Variants in EBPL observed in about 807,000 individuals in gnomAD.
EBPL encodes the protein EBP like, also known as emopamil-binding protein-like.
EBPL carries 20 observed loss-of-function variants against 19.0 expected under a neutral mutation model. The observed-to-expected ratio is 1.05, with a 90% CI of 0.74 to 1.53. The LOEUF (loss-of-function observed/expected upper bound fraction) is 1.53, where lower values mean the gene tolerates loss of function less well. Among genes scored for constraint, EBPL ranks in the 40% most tolerant of loss-of-function variants. The probability of loss-of-function intolerance (pLI) is 0.00; values close to 1 mark genes in which losing one functional copy is unlikely to be tolerated. For synonymous variants in EBPL, 107 were observed against 117.0 expected (o/e 0.91, Z 0.55); for missense variants, 219 against 261.1 (o/e 0.84, Z 1.11).
chr13:49,673,962 T>TACACACACACAC (rs56323070), intron 1 of EBPL, among the ~76,000 whole-genome samples: 4,810 of 143,284 alleles, frequency 0.034, 97 homozygotes, highest in African/African-American at 0.04. Context: ...TGGAACTTAA[T>TACACACACACAC]ACACACACAC....
intron 2 of EBPL, among the ~76,000 whole-genome samples, chr13:49,669,094 T>C (rs1953782185): frequency 6.6e-6 from 1 of 152,066 alleles, no homozygotes; most frequent in African/African-American, 2.4e-5. Flanking sequence ...TTAGCCAGGA[T>C]AGTCTCCATC....
rs905153562 is a variant in EBPL at position 49,663,212 on chromosome 13, T to C, written c.242-17A>G. 2 of 1,611,610 alleles carry C rather than the reference T, an allele frequency of 1.2e-6. No individual in the cohort carries two copies. Among genetic ancestry groups the C allele is most frequent in the Non-Finnish European group, 1.7e-6 (2 of 1,177,912 alleles). ...ATTCTTTCCCTAAAGACAAAATCCA[T>C]GTTGTTACTCAAATGGCAACAATTT... On this transcript the variant is annotated splice_polypyrimidine_tract_variant and intron_variant, in intron 2 of 3. Coordinates refer to ENST00000242827, the MANE Select transcript of EBPL (RefSeq NM_032565.5).
At chr13:49,682,264 T>G (rs1350407213) in intron 1 of EBPL, among the ~76,000 whole-genome samples, 1 of 152,216 alleles carries the variant, frequency 6.6e-6, no homozygotes. Flanking sequence ...CATGGCAGTA[T>G]ACTGTTTGAT....
In EBPL at chr13:49,662,083, TC is replaced by T. The variant is rs1423813146; in HGVS notation, c.381-876del. Among the ~76,000 whole-genome samples, 6 of 152,288 alleles carry T rather than the reference TC, an allele frequency of 3.9e-5. No homozygotes were observed. In the South Asian group the frequency reaches 1.2e-3, roughly 32 times the overall value. The stretch of plus-strand genomic sequence containing the variant: ...AACGTGGCTCACTGCAACCTCCACT[TC>T]CCAGGTTCAAGCAATTCTCCTGCCT... On this transcript the variant is annotated intron_variant, in intron 3 of 3. Coordinates refer to ENST00000242827, the MANE Select transcript of EBPL (RefSeq NM_032565.5).
Position 49,691,303 on chromosome 13 carries a change from C to A in EBPL, c.122G>T (p.Arg41Leu). 7.3e-7 allele frequency: 1 copy of A among 1,371,676 alleles called. No homozygotes were observed. The highest frequency in any genetic ancestry group is 9.5e-7 in the Non-Finnish European group (1 of 1,057,194). 85.0% of individuals were successfully genotyped at this position (1,371,676 alleles called of 1,614,324 possible). A position where few individuals can be genotyped will look rare whatever the true frequency, so the allele number is the denominator to read the frequency against. The change falls in exon 1 of 4, where the codon CGC becomes CTC. Residue 41 changes from arginine (R) to leucine (L), a missense_variant. Arg to Leu is a moderately radical substitution (Grantham distance 102, BLOSUM62 -2). Around this residue, in one of 2 missense-constraint regions of EBPL, gnomAD observed 170 missense variants for 167.0 expected, o/e 1.02. Coordinates refer to ENST00000242827, the MANE Select transcript of EBPL (RefSeq NM_032565.5). Reference sequence around the variant, plus strand: ...GTAGCAGAGCCAGATGAGCGCCCCGCGGTCCGCCGCCCCCTGCCCGCGGCC... The same window carrying A: ...GTAGCAGAGCCAGATGAGCGCCCCGAGGTCCGCCGCCCCCTGCCCGCGGCC... ...RLGRGQGAAD[R>L]GALIWLCYDA...
chr13:49,684,164 A>C (rs1953972579), intron 1 of EBPL, among the ~76,000 whole-genome samples: 1 of 152,194 alleles, frequency 6.6e-6, no homozygotes, highest in Admixed American at 6.5e-5. Flanking sequence ...AGCGTGATGG[A>C]AACGTTCTAT....
At chr13:49,666,335 G>A (rs1190196015) in intron 2 of EBPL, among the ~76,000 whole-genome samples, 2 of 152,186 alleles carry the variant, frequency 1.3e-5, no homozygotes, top group Non-Finnish European at 2.9e-5. Flanking sequence ...AACCTTATAT[G>A]TGGAAGCAGA....
intron 2 of EBPL, among the ~76,000 whole-genome samples, chr13:49,669,497 T>C (rs1010434987): frequency 6.6e-6 from 1 of 152,212 alleles, no homozygotes. Flanking sequence ...TTGGTTTTAG[T>C]AGAATCACAG....
chr13:49,679,544 G>C (rs1412158152), intron 1 of EBPL, among the ~76,000 whole-genome samples: 1 of 152,166 alleles, frequency 6.6e-6, no homozygotes, highest in Non-Finnish European at 1.5e-5. Context: ...CTGTCACCCA[G>C]GCTGGAATCC....
intron 1 of EBPL, chr13:49,686,437 ACT>A: frequency 1.6e-6 from 2 of 1,271,418 alleles, no homozygotes; most frequent in South Asian, 2.6e-5. Context: ...CATCAATCCC[ACT>A]CTCACCATTG....
intron 1 of EBPL, among the ~76,000 whole-genome samples, chr13:49,681,435 C>T (rs1953942073): frequency 6.6e-6 from 1 of 152,108 alleles, no homozygotes; most frequent in Non-Finnish European, 1.5e-5. Context: ...AGATTACAGG[C>T]ACACGCCACC....
At chr13:49,669,938 C>T in intron 1 of EBPL, 92 bp from the exon 2 acceptor site, 2 of 948,552 alleles carry the variant, frequency 2.1e-6, no homozygotes, top group Non-Finnish European at 1.7e-6. Flanking sequence ...CTCCATCCCC[C>T]ACCCTTCTCC....
intron 1 of EBPL, among the ~76,000 whole-genome samples, chr13:49,680,855 A>T (rs1321541278): frequency 6.6e-6 from 1 of 152,046 alleles, no homozygotes; most frequent in African/African-American, 2.4e-5. Flanking sequence ...AAACAAAAAA[A>T]ATATATGTGA....
At chr13:49,679,002 C>A (rs1447387076) in intron 1 of EBPL, among the ~76,000 whole-genome samples, 1 of 3,576 alleles carries the variant, frequency 2.8e-4, no homozygotes. Flanking sequence ...AGTGAGACTC[C>A]GTCTAAAAAA....
chr13:49,661,442 TTAAG>T (rs1475144173), intron 3 of EBPL, among the ~76,000 whole-genome samples: 2 of 152,126 alleles, frequency 1.3e-5, no homozygotes, highest in Non-Finnish European at 2.9e-5. Flanking sequence ...ATTCTCAGAG[TTAAG>T]TAAGGACCCT....
chr13:49,667,803 G>T (rs936444443), intron 2 of EBPL, among the ~76,000 whole-genome samples: 1 of 152,168 alleles, frequency 6.6e-6, no homozygotes, highest in Non-Finnish European at 1.5e-5. Context: ...CTTCTTTAAG[G>T]TGCATAATGT....
intron 1 of EBPL, among the ~76,000 whole-genome samples, chr13:49,678,011 C>T (rs1377709450): frequency 2.7e-5 from 3 of 109,898 alleles, no homozygotes; most frequent in Admixed American, 2.0e-4. Context: ...ACAAAGACTC[C>T]ACAGCGTGGA....
At chr13:49,682,401 A>G (rs1377061450) in intron 1 of EBPL, among the ~76,000 whole-genome samples, 1 of 152,260 alleles carries the variant, frequency 6.6e-6, no homozygotes, top group Non-Finnish European at 1.5e-5. Context: ...CATATACATC[A>G]TCACTTTAGT....
chr13:49,674,941 T>G (rs1299980565), intron 1 of EBPL, among the ~76,000 whole-genome samples: 1 of 152,194 alleles, frequency 6.6e-6, no homozygotes, highest in East Asian at 1.9e-4. Context: ...CTTCTAAAAC[T>G]AAAACAATGT....
Sources: gnomAD v4.1 joint callset for allele counts (sites outside exome capture counted in the v4.1 genomes callset) on GRCh38, gnomAD v4.1.1 for gene constraint, gnomAD v4.1.1 regional missense constraint, MANE v1.5 for transcripts, NCBI Gene and HGNC (gene_info 2026-07-23, HGNC 2026-07-21) for gene names.